VWF: variants seen among roughly 807,000 people sequenced by gnomAD.
VWF encodes the protein von Willebrand factor.
Under a neutral mutation model 308.6 loss-of-function variants are expected in VWF, and 176 were observed. The observed-to-expected ratio is 0.57, with a 90% CI of 0.50 to 0.65. The LOEUF is 0.65. VWF is among the 30% of genes least tolerant of loss of function. VWF has a pLI of 0.00. For missense variants in VWF, 3,146 were observed against 3,648.2 expected (o/e 0.86, Z 3.55); for synonymous variants, 1,385 against 1,443.4 (o/e 0.96, Z 0.92).
chr12:6,098,723 G>A (rs1945130690), intron 5 of VWF, among the ~76,000 whole-genome samples: 1 of 151,854 alleles, frequency 6.6e-6, no homozygotes, highest in Non-Finnish European at 1.5e-5. Flanking sequence ...ACCTTGCAGT[G>A]AGCCAAGATG....
intron 18 of VWF, among the ~76,000 whole-genome samples, chr12:6,043,492 G>A (rs1328915808): frequency 6.6e-6 from 1 of 152,196 alleles, no homozygotes; most frequent in East Asian, 1.9e-4. Context: ...TTGGAGTTGG[G>A]GAAAACAAGA....
chr12:6,111,721 C>T (rs1302010063), intron 3 of VWF, among the ~76,000 whole-genome samples: 5 of 150,660 alleles, frequency 3.3e-5, no homozygotes, highest in African/African-American at 7.5e-5. Context: ...GAGGCTGAGG[C>T]GGGTGGATCA....
At chr12:6,051,576 T>C (rs775835438) in intron 16 of VWF, among the ~76,000 whole-genome samples, 22 of 152,082 alleles carry the variant, frequency 1.4e-4, no homozygotes, top group Non-Finnish European at 3.1e-4. Context: ...GCCTGGCCAA[T>C]CAGGATGTTT....
At chr12:6,072,483 A>G in intron 8 of VWF, 41 bp from the exon 9 acceptor site, 5 of 1,493,232 alleles carry the variant, frequency 3.3e-6, no homozygotes, top group Non-Finnish European at 4.7e-6. Context: ...CAACATTGTC[A>G]TTGCGTCACT....
intron 30 of VWF, 122 bp downstream of exon 30, chr12:6,016,394 C>A (rs1266451285): frequency 2.8e-6 from 4 of 1,416,832 alleles, no homozygotes; most frequent in Non-Finnish European, 3.9e-6. Flanking sequence ...TAGCCCCTCA[C>A]TTTCCAGGAG....
rs1944827201 is a variant in VWF at position 6,075,110 on chromosome 12, CG to C, written c.874+224del. Among the ~76,000 whole-genome samples the C allele has an allele frequency of 2.8e-5, 2 of 71,162 alleles. No individual in the cohort carries two copies. Among genetic ancestry groups the C allele is most frequent in the African/African-American group, 5.6e-5 (1 of 17,722 alleles). 46.7% of individuals were successfully genotyped at this position (71,162 alleles called of 152,430 possible). A position where few individuals can be genotyped will look rare whatever the true frequency, so the allele number is the denominator to read the frequency against. On this transcript the variant is annotated intron_variant, in intron 7 of 51. Transcript: ENST00000261405. The surrounding 1 kb of genome is among the most constrained non-coding windows in gnomAD (Gnocchi z 4.7). ...GGGGGCGCCAGGGGAGGCGTGGGGGCGGGACGGAGGCAGGGGCAGGACACGG... is the reference window on the plus strand; with the variant it reads ...GGGGGCGCCAGGGGAGGCGTGGGGGCGGACGGAGGCAGGGGCAGGACACGG...
chr12:6,104,714 A>G (rs1945221636), intron 5 of VWF, among the ~76,000 whole-genome samples: 2 of 152,138 alleles, frequency 1.3e-5, no homozygotes, highest in South Asian at 4.1e-4. Context: ...AAAAAAATAT[A>G]TAGGACTACC....
chr12:6,009,874 T>C (rs1017694041), intron 34 of VWF, among the ~76,000 whole-genome samples: 1 of 152,186 alleles, frequency 6.6e-6, no homozygotes, highest in Non-Finnish European at 1.5e-5. Flanking sequence ...AATGAGCCAG[T>C]CACAGAAGGA....
intron 34 of VWF, among the ~76,000 whole-genome samples, chr12:6,003,258 A>G (rs1273722969): frequency 1.3e-5 from 2 of 152,242 alleles, no homozygotes; most frequent in East Asian, 3.8e-4. Flanking sequence ...AATGCATTAA[A>G]ATTTATATAC....
At chr12:6,080,501 C>A (rs1279851472) in intron 6 of VWF, among the ~76,000 whole-genome samples, 1 of 152,244 alleles carries the variant, frequency 6.6e-6, no homozygotes, top group East Asian at 1.9e-4. Flanking sequence ...AGAAGGCAGT[C>A]TGCACAGGGC....
Position 5,996,093 on chromosome 12 carries a change from C to G in VWF, c.5972G>C (p.Gly1991Ala). 6.2e-7 allele frequency: 1 copy of G among 1,614,086 alleles called. No homozygotes were observed. Among genetic ancestry groups the G allele is most frequent in the South Asian group, 1.1e-5 (1 of 91,078 alleles). ...CTGCCTTGCTCCAGGGCTGCAGGCA[C>G]CATTATGGAGAATCACCTCCAGGTC... is the stretch of plus-strand genomic sequence containing the variant. Reference protein sequence around the residue: ...EQDLEVILHNGACSPGARQGC... With the variant: ...EQDLEVILHNAACSPGARQGC... Residue 1991 changes from glycine (G) to alanine (A), a missense_variant, in exon 35 of 52, where the codon GGT (glycine) becomes GCT (alanine). Transcript: ENST00000261405.
At chr12:5,985,161 G>A (rs1943664576) in intron 39 of VWF, 42 bp from the exon 40 acceptor site, 1 of 1,586,642 alleles carries the variant, frequency 6.3e-7, no homozygotes, top group Non-Finnish European at 8.7e-7. Context: ...GAAATTAGTG[G>A]TGGGACAGCC....
chr12:6,021,131 A>G (rs766806338), intron 27 of VWF: 2 of 152,262 alleles, frequency 1.3e-5, no homozygotes, highest in Non-Finnish European at 2.9e-5. Context: ...CACCCCAGGC[A>G]GTGTTCATTC....
chr12:6,108,999 AT>A (rs1945274430), intron 5 of VWF, among the ~76,000 whole-genome samples: 3 of 151,584 alleles, frequency 2.0e-5, no homozygotes, highest in African/African-American at 7.3e-5. Context: ...AAAAAAAAAA[AT>A]TCAAACTTTT....
intron 44 of VWF, 133 bp downstream of exon 44, chr12:5,971,466 A>C: frequency 1.3e-6 from 1 of 748,910 alleles, no homozygotes; most frequent in Non-Finnish European, 2.3e-6. Flanking sequence ...TGGCATCTGG[A>C]TAACACCAAC....
At chr12:6,101,851 A>T (rs1945166055) in intron 5 of VWF, among the ~76,000 whole-genome samples, 1 of 152,074 alleles carries the variant, frequency 6.6e-6, no homozygotes, top group Admixed American at 6.5e-5. Flanking sequence ...GAAAAAAATG[A>T]CTGAAAATGT....
At chr12:6,107,258 G>C (rs1023679707) in intron 5 of VWF, among the ~76,000 whole-genome samples, 3 of 152,232 alleles carry the variant, frequency 2.0e-5, no homozygotes, top group African/African-American at 4.8e-5. Context: ...CCAGGAGCTA[G>C]GAGTTGGGGG....
intron 34 of VWF, among the ~76,000 whole-genome samples, chr12:6,008,073 C>T (rs1277101485): frequency 6.6e-6 from 1 of 152,060 alleles, no homozygotes; most frequent in Admixed American, 6.6e-5. Flanking sequence ...TAAATAAGAG[C>T]TCAGATGCTT....
At chr12:6,092,693 G>T (rs1945062838) in intron 6 of VWF, among the ~76,000 whole-genome samples, 3 of 146,486 alleles carry the variant, frequency 2.0e-5, no homozygotes, top group Admixed American at 1.4e-4. Flanking sequence ...ATTCCTTCCT[G>T]GTAAGAGACC....
Sources: gnomAD v4.1 joint callset for allele counts (sites outside exome capture counted in the v4.1 genomes callset) on GRCh38, gnomAD v4.1.1 for gene constraint, Gnocchi (gnomAD v3.1) non-coding constraint, MANE v1.5 for transcripts, NCBI Gene and HGNC (gene_info 2026-07-23, HGNC 2026-07-21) for gene names.